WBP2NL: variants seen among roughly 807,000 people sequenced by gnomAD.
WBP2NL encodes the protein postacrosomal sheath WW domain-binding protein.
Under a neutral mutation model 23.3 loss-of-function variants are expected in WBP2NL, and 27 were observed. The observed-to-expected ratio is 1.16, with a 90% CI of 0.85 to 1.60. WBP2NL has a LOEUF of 1.60. Ranked by LOEUF, WBP2NL falls within the 40% of genes most tolerant of loss-of-function variation. The pLI, the probability that WBP2NL is intolerant of heterozygous loss-of-function variation, is 0.00. For synonymous variants in WBP2NL, 151 were observed against 145.9 expected (o/e 1.03, Z -0.25); for missense variants, 370 against 389.5 (o/e 0.95, Z 0.42).
chr22:42,050,274 CAG>C (rs1179817637), intron 8 of WBP2NL, among the ~76,000 whole-genome samples: 2 of 152,004 alleles, frequency 1.3e-5, no homozygotes, highest in Non-Finnish European at 2.9e-5. Flanking sequence ...GCCTGGGTGA[CAG>C]AGGGAGACCC....
intron 1 of WBP2NL, among the ~76,000 whole-genome samples, chr22:42,017,489 T>A (rs1187639678): frequency 6.6e-6 from 1 of 152,170 alleles, no homozygotes; most frequent in Admixed American, 6.5e-5. Flanking sequence ...CTAAAACGAA[T>A]CTCTTCTTTC....
intron 1 of WBP2NL, among the ~76,000 whole-genome samples, chr22:42,007,450 G>A (rs1027250614): frequency 2.0e-5 from 3 of 152,038 alleles, no homozygotes; most frequent in African/African-American, 7.2e-5. Flanking sequence ...TACACTTATT[G>A]CAGAATTGCC....
chr22:42,005,745 G>T (rs133313), intron 1 of WBP2NL, among the ~76,000 whole-genome samples: 64,990 of 152,032 alleles, frequency 0.43, 15,041 homozygotes, highest in East Asian at 0.85. Context: ...ATCAGCTGCA[G>T]GCAAGAGCAG....
At chr22:42,008,478 A>T (rs555247541) in intron 1 of WBP2NL, among the ~76,000 whole-genome samples, 1 of 152,034 alleles carries the variant, frequency 6.6e-6, no homozygotes, top group South Asian at 2.1e-4. Context: ...AAGTGCTGGG[A>T]TTACAGGCAT....
chr22:42,019,837 T>C (rs775247398), intron 3 of WBP2NL, 34 bp downstream of exon 3: 64 of 1,608,652 alleles, frequency 4.0e-5, no homozygotes, highest in South Asian at 3.3e-4. Flanking sequence ...TATTTTTTTT[T>C]CCCTCAAAAT....
chr22:42,050,616 C>T (rs1486503383), intron 8 of WBP2NL, among the ~76,000 whole-genome samples: 3 of 151,880 alleles, frequency 2.0e-5, no homozygotes, highest in Admixed American at 6.6e-5. Flanking sequence ...CCACTGCACT[C>T]CAGTCTGGGC....
intron 8 of WBP2NL, among the ~76,000 whole-genome samples, chr22:42,049,318 A>G (rs1380539639): frequency 6.6e-6 from 1 of 152,188 alleles, no homozygotes; most frequent in African/African-American, 2.4e-5. Context: ...AAAAATCTAG[A>G]CACAGACTTT....
intron 1 of WBP2NL, among the ~76,000 whole-genome samples, chr22:42,014,556 C>T (rs1479959327): frequency 1.3e-5 from 2 of 152,114 alleles, no homozygotes; most frequent in East Asian, 3.8e-4. Context: ...CTTTCTCTCT[C>T]TCCTCTCCTT....
intron 4 of WBP2NL, 102 bp from the exon 5 acceptor site, chr22:42,022,147 T>G (rs1316418639): frequency 9.6e-6 from 9 of 936,478 alleles, no homozygotes; most frequent in East Asian, 2.5e-5. Flanking sequence ...TGGAAACACA[T>G]GTAAGGTGGT....
At chr22:42,000,512 CCAT>C (rs896748779) in intron 1 of WBP2NL, among the ~76,000 whole-genome samples, 13 of 151,622 alleles carry the variant, frequency 8.6e-5, no homozygotes, top group African/African-American at 2.9e-4. Flanking sequence ...TAATTGAGTC[CCAT>C]CATCATCATC....
At chr22:42,001,115 C>G in intron 1 of WBP2NL, 1 of 1,049,072 alleles carries the variant, frequency 9.5e-7, no homozygotes. Flanking sequence ...CACAAAAGCA[C>G]CACCCATGCC....
chr22:42,015,838 C>T (rs745462897), intron 1 of WBP2NL, among the ~76,000 whole-genome samples: 1 of 152,172 alleles, frequency 6.6e-6, no homozygotes, highest in Non-Finnish European at 1.5e-5. Context: ...TCTTGTTTCT[C>T]AGGAATATGT....
intron 1 of WBP2NL, among the ~76,000 whole-genome samples, chr22:42,012,565 TA>T (rs1922919404): frequency 6.6e-6 from 1 of 152,222 alleles, no homozygotes; most frequent in Non-Finnish European, 1.5e-5. Context: ...AAACATATTA[TA>T]AAATATAGCG....
downstream of WBP2NL, among the ~76,000 whole-genome samples, chr22:42,029,343 C>T (rs1924776513): frequency 6.8e-6 from 1 of 147,698 alleles, no homozygotes; most frequent in East Asian, 1.9e-4. Flanking sequence ...GTGCACTTGA[C>T]CCAGAAGACA....
chr22:42,002,874 A>G (rs1379441890), intron 1 of WBP2NL: 1 of 152,148 alleles, frequency 6.6e-6, no homozygotes, highest in Non-Finnish European at 1.5e-5. Flanking sequence ...ATAGTGGTGC[A>G]CATCTGTAGT....
intron 8 of WBP2NL, among the ~76,000 whole-genome samples, chr22:42,051,952 CAG>C (rs1247324340): frequency 6.6e-6 from 1 of 152,184 alleles, no homozygotes; most frequent in East Asian, 1.9e-4. Flanking sequence ...AGTAGAAGCA[CAG>C]AGAGATTAAG....
intron 8 of WBP2NL, among the ~76,000 whole-genome samples, chr22:42,044,341 G>C (rs189549913): frequency 6.6e-6 from 1 of 152,128 alleles, no homozygotes; most frequent in East Asian, 1.9e-4. Context: ...AAAATGCTGA[G>C]ATTATAAGCA....
At chr22:42,046,507 G>A (rs111956159) in intron 8 of WBP2NL, among the ~76,000 whole-genome samples, 7,700 of 152,186 alleles carry the variant, frequency 0.051, 682 homozygotes, top group African/African-American at 0.18. Flanking sequence ...TTGATAAACA[G>A]TGAAGAAATT....
intron 1 of WBP2NL, among the ~76,000 whole-genome samples, chr22:42,012,139 A>G (rs1001125138): frequency 6.6e-6 from 1 of 151,928 alleles, no homozygotes; most frequent in Admixed American, 6.6e-5. Flanking sequence ...TCTTTTTCTT[A>G]ATCTAGCTAA....
Sources: gnomAD v4.1 joint callset for allele counts (sites outside exome capture counted in the v4.1 genomes callset) on GRCh38, gnomAD v4.1.1 for gene constraint, MANE v1.5 for transcripts, NCBI Gene and HGNC (gene_info 2026-07-23, HGNC 2026-07-21) for gene names.